ATG10: variants seen among roughly 807,000 people sequenced by gnomAD.
ATG10 encodes the protein autophagy related 10.
Under a neutral mutation model 32.1 loss-of-function variants are expected in ATG10, and 30 were observed. That is an observed-to-expected ratio of 0.94 (90% CI 0.70 to 1.27). The LOEUF (loss-of-function observed/expected upper bound fraction) is 1.27. ATG10 is among the 50% of genes most tolerant of loss of function. The pLI is 0.00. For synonymous variants in ATG10, 87 were observed against 91.5 expected, an observed-to-expected ratio of 0.95 and a Z score of 0.28; for missense variants, 233 against 262.3, an observed-to-expected ratio of 0.89 and a Z score of 0.77.
intron 2 of ATG10, among the ~76,000 whole-genome samples, chr5:82,007,437 G>C (rs2149689951): frequency 6.6e-6 from 1 of 152,222 alleles, no homozygotes; most frequent in African/African-American, 2.4e-5. Context: ...TCAAATTAGA[G>C]AGTAAGTAAT....
chr5:82,026,208 C>A (rs552214055), intron 2 of ATG10, among the ~76,000 whole-genome samples: 2 of 152,140 alleles, frequency 1.3e-5, no homozygotes, highest in Admixed American at 1.3e-4. Flanking sequence ...TGACTACTTT[C>A]GGTAACTCAT....
intron 2 of ATG10, among the ~76,000 whole-genome samples, chr5:82,003,614 A>G (rs1761909824): frequency 6.6e-6 from 1 of 152,254 alleles, no homozygotes; most frequent in African/African-American, 2.4e-5. Context: ...TGTATCTTAA[A>G]AAACCATGTA....
rs184354887 is a variant in ATG10, at chr5:82,220,363, C to T, written c.454-32199C>T. Among the ~76,000 whole-genome samples the T allele has an allele frequency of 6.3e-3, 949 of 150,204 alleles. 20 individuals are homozygous for T. In the South Asian group the frequency reaches 0.072, roughly 11 times the overall value. ...CTGCCAGCTCTGCCTCCCGGGTTCA[C>T]GCCATTCTCCTGCCTCAGCCTCCCA... On this transcript the variant is annotated intron_variant, in intron 5 of 7. Coordinates refer to ENST00000282185, the MANE Select transcript of ATG10 (RefSeq NM_031482.5).
At chr5:82,163,051 A>C (rs765758035) in intron 3 of ATG10, among the ~76,000 whole-genome samples, 1 of 152,154 alleles carries the variant, frequency 6.6e-6, no homozygotes, top group South Asian at 2.1e-4. Flanking sequence ...TTATAATATT[A>C]AGAAAGAAAG....
chr5:82,068,231 A>C (rs1180618344), intron 3 of ATG10, among the ~76,000 whole-genome samples: 2 of 152,172 alleles, frequency 1.3e-5, no homozygotes, highest in African/African-American at 4.8e-5. Flanking sequence ...AAAAAGGATG[A>C]GTTCATGTCC....
intron 2 of ATG10, among the ~76,000 whole-genome samples, chr5:82,044,946 GCA>G (rs1763192234): frequency 6.6e-6 from 1 of 152,166 alleles, no homozygotes; most frequent in Admixed American, 6.5e-5. Flanking sequence ...GTACTCTGCT[GCA>G]CAGATTCTTG....
intron 3 of ATG10, among the ~76,000 whole-genome samples, chr5:82,072,466 T>C (rs1764159113): frequency 6.6e-6 from 1 of 152,146 alleles, no homozygotes; most frequent in African/African-American, 2.4e-5. Flanking sequence ...TTGCAGCACT[T>C]TCCCAGGGGA....
At chr5:82,213,930 C>G (rs1352751774) in intron 5 of ATG10, among the ~76,000 whole-genome samples, 1 of 152,196 alleles carries the variant, frequency 6.6e-6, no homozygotes, top group Non-Finnish European at 1.5e-5. Context: ...CAGAGTTGCT[C>G]TCTCTCGACT....
chr5:82,114,385 C>T lies in ATG10; in HGVS notation c.217-50014C>T, dbSNP rs140620057. Among the ~76,000 whole-genome samples, 7 of 152,080 alleles carry T rather than the reference C, an allele frequency of 4.6e-5. No individual in the cohort carries two copies. In the East Asian group the frequency reaches 1.4e-3, roughly 29 times the overall value. On this transcript the variant is annotated intron_variant, in intron 3 of 7. Coordinates refer to ENST00000282185, the MANE Select transcript of ATG10 (RefSeq NM_031482.5). The stretch of plus-strand genomic sequence containing the variant: ...CAATGACACTGTCTTCTCATCTTCT[C>T]TACTGTGAGGAACACTTTTATGCAC...
At chr5:82,071,891 C>G (rs1176503859) in intron 3 of ATG10, among the ~76,000 whole-genome samples, 1 of 151,992 alleles carries the variant, frequency 6.6e-6, no homozygotes, top group African/African-American at 2.4e-5. Flanking sequence ...AGGGAGTACT[C>G]AAAATCAGAG....
intron 2 of ATG10, among the ~76,000 whole-genome samples, chr5:82,023,257 A>C (rs1762499338): frequency 6.6e-6 from 1 of 152,122 alleles, no homozygotes; most frequent in South Asian, 2.1e-4. Flanking sequence ...ACTAGATTAT[A>C]GTAGCACATA....
At chr5:82,019,579 CG>C (rs1762382107) in intron 2 of ATG10, among the ~76,000 whole-genome samples, 1 of 152,238 alleles carries the variant, frequency 6.6e-6, no homozygotes. Context: ...ACCTCCACCC[CG>C]ATATGAGAAT....
At chr5:82,198,930 C>T (rs1465853225) in intron 5 of ATG10, among the ~76,000 whole-genome samples, 1 of 152,198 alleles carries the variant, frequency 6.6e-6, no homozygotes, top group South Asian at 2.1e-4. Context: ...GTACAACATT[C>T]AGCTTTCACA....
intron 5 of ATG10, among the ~76,000 whole-genome samples, chr5:82,196,723 G>T (rs1244524605): frequency 6.6e-6 from 1 of 152,024 alleles, no homozygotes; most frequent in East Asian, 1.9e-4. Context: ...ATTTCTGGAC[G>T]CCAAATTCTA....
At chr5:82,169,583 A>C (rs533853391) in intron 4 of ATG10, among the ~76,000 whole-genome samples, 73 of 152,298 alleles carry the variant, frequency 4.8e-4, no homozygotes, top group Admixed American at 4.6e-3. Flanking sequence ...AGAAAATAGA[A>C]AATTATTTGA....
chr5:82,044,664 G>GACCTA (rs1763184836), intron 2 of ATG10, among the ~76,000 whole-genome samples: 2 of 152,064 alleles, frequency 1.3e-5, no homozygotes, highest in African/African-American at 4.8e-5. Flanking sequence ...GTTTAGACTA[G>GACCTA]GTCTGATTTG....
chr5:82,038,825 A>G (rs2060430592), intron 2 of ATG10, among the ~76,000 whole-genome samples: 1 of 151,986 alleles, frequency 6.6e-6, no homozygotes, highest in African/African-American at 2.4e-5. Flanking sequence ...ATTATGATGT[A>G]CTCTCTTCCT....
At position 82,161,696 on chromosome 5, in the gene ATG10, AACACACACAC is replaced by A. The variant is rs60780834; in HGVS notation, c.217-2675_217-2666del. 2.3e-5 allele frequency among the ~76,000 whole-genome samples: 3 copies of A among 129,664 alleles called. No homozygotes were observed. In the South Asian group the frequency reaches 7.9e-4, roughly 34 times the overall value. 85.1% of individuals were successfully genotyped at this position (129,664 alleles called of 152,430 possible). On this transcript the variant is annotated intron_variant, in intron 3 of 7. Coordinates refer to ENST00000282185, the MANE Select transcript of ATG10 (RefSeq NM_031482.5). ...GCTCAATAGAGAAGATTAGAGAATAAACACACACACACACACACACACACACACACACACA... is the reference window on the plus strand; with the variant it reads ...GCTCAATAGAGAAGATTAGAGAATAAACACACACACACACACACACACACA...
intron 3 of ATG10, among the ~76,000 whole-genome samples, chr5:82,094,103 C>T (rs1448158805): frequency 1.3e-5 from 2 of 152,114 alleles, no homozygotes; most frequent in African/African-American, 2.4e-5. Context: ...TTCAGCACCT[C>T]ATCGCGGGAA....
Sources: allele counts gnomAD v4.1 joint callset (sites outside exome capture counted in the v4.1 genomes callset), GRCh38; gene constraint gnomAD v4.1.1; transcripts MANE v1.5; gene names NCBI Gene and HGNC (gene_info 2026-07-23, HGNC 2026-07-21).